Variants in GPC5 observed in about 807,000 individuals in gnomAD.
The protein encoded by GPC5 is glypican-5.
A neutral mutation model predicts 53.9 loss-of-function variants in GPC5; 47 were observed. That is an observed-to-expected ratio of 0.87 (90% CI 0.69 to 1.11). GPC5 has a LOEUF of 1.11. GPC5 is among the 50% of genes most tolerant of loss of function. The pLI is 0.00. For missense variants in GPC5, 748 were observed against 713.1 expected (o/e 1.05, Z -0.56); for synonymous variants, 286 against 263.3 (o/e 1.09, Z -0.84).
intron 5 of GPC5, among the ~76,000 whole-genome samples, chr13:91,830,887 A>G: frequency 7.4e-6 from 1 of 135,590 alleles, no homozygotes. Flanking sequence ...CCTATTATAT[A>G]TAATATATAT....
intron 7 of GPC5, among the ~76,000 whole-genome samples, chr13:92,300,626 C>T (rs2043069119): frequency 6.6e-6 from 1 of 152,128 alleles, no homozygotes; most frequent in African/African-American, 2.4e-5. Context: ...ATAGAATGTG[C>T]TGGACTAATT....
chr13:92,477,036 AAGTATAATAATAAAAAAT>A (rs1238870321), intron 7 of GPC5, among the ~76,000 whole-genome samples: 2 of 138,196 alleles, frequency 1.4e-5, no homozygotes, highest in Admixed American at 7.5e-5. Flanking sequence ...CTAAAACTTA[AAGTATAATAATAAAAAAT>A]AAATAAATAA....
intron 7 of GPC5, among the ~76,000 whole-genome samples, chr13:92,506,201 G>T (rs147603209): frequency 2.6e-5 from 4 of 152,038 alleles, no homozygotes; most frequent in Non-Finnish European, 4.4e-5. Context: ...AAGATGAGCT[G>T]CATGAAAATG....
At chr13:91,863,026 C>A (rs559381600) in intron 5 of GPC5, among the ~76,000 whole-genome samples, 1 of 149,988 alleles carries the variant, frequency 6.7e-6, no homozygotes, top group South Asian at 2.2e-4. Context: ...CTTCCCCCAC[C>A]CCTTCTTTCT....
chr13:92,025,586 T>C (rs1594730503), intron 6 of GPC5, among the ~76,000 whole-genome samples: 2 of 152,252 alleles, frequency 1.3e-5, no homozygotes, highest in Middle Eastern at 3.4e-3. Flanking sequence ...AACTATGAAA[T>C]GAAAGTAAGG....
At chr13:91,649,472 G>A (rs1057149439) in intron 2 of GPC5, among the ~76,000 whole-genome samples, 2 of 152,144 alleles carry the variant, frequency 1.3e-5, no homozygotes, top group Non-Finnish European at 2.9e-5. Flanking sequence ...CTGAGCCATT[G>A]TTATTACTAC....
At chr13:91,478,795 T>TTATATATATGTATATATATA (rs1431415864) in intron 2 of GPC5, among the ~76,000 whole-genome samples, 2 of 55,392 alleles carry the variant, frequency 3.6e-5, no homozygotes, top group African/African-American at 7.0e-5. Flanking sequence ...CCATTTGAGT[T>TTATATATATGTATATATATA]TATATATATA....
chr13:92,407,737 G>A (rs1354498479), intron 7 of GPC5, among the ~76,000 whole-genome samples: 4 of 152,018 alleles, frequency 2.6e-5, no homozygotes, highest in African/African-American at 9.6e-5. Context: ...AAGACTTGAG[G>A]AAAAATAGAA....
At chr13:91,569,361 G>T (rs1029837334) in intron 2 of GPC5, among the ~76,000 whole-genome samples, 6 of 152,070 alleles carry the variant, frequency 3.9e-5, no homozygotes, top group Non-Finnish European at 7.4e-5. Context: ...GTCATTGGCT[G>T]CAACAAGTCA....
chr13:91,583,672 A>G (rs2032454225), intron 2 of GPC5, among the ~76,000 whole-genome samples: 2 of 152,178 alleles, frequency 1.3e-5, no homozygotes, highest in Admixed American at 1.3e-4. Context: ...TGACAAGAAT[A>G]AGTAAAATAG....
chr13:91,939,990 A>G (rs955826253), intron 6 of GPC5, among the ~76,000 whole-genome samples: 1 of 152,070 alleles, frequency 6.6e-6, no homozygotes, highest in South Asian at 2.1e-4. Flanking sequence ...GGCCTCACAC[A>G]TCGGGTCTAT....
intron 1 of GPC5, among the ~76,000 whole-genome samples, chr13:91,399,771 TCGTA>T (rs1876788031): frequency 6.6e-6 from 1 of 152,086 alleles, no homozygotes; most frequent in African/African-American, 2.4e-5. Flanking sequence ...TTCTGTGCCC[TCGTA>T]TCAAGCCCTG....
chr13:92,250,650 T>G (rs9301789), intron 7 of GPC5, among the ~76,000 whole-genome samples: 3 of 151,848 alleles, frequency 2.0e-5, no homozygotes, highest in African/African-American at 4.8e-5. Flanking sequence ...ATTATTACTT[T>G]TGACACATGA....
At chr13:92,690,557 T>C (rs1887352001) in intron 7 of GPC5, among the ~76,000 whole-genome samples, 1 of 140,052 alleles carries the variant, frequency 7.1e-6, no homozygotes. Flanking sequence ...GAAGCCTTCT[T>C]CTCTCAGCTC....
intron 2 of GPC5, among the ~76,000 whole-genome samples, chr13:91,592,954 C>G (rs910893930): frequency 6.6e-6 from 1 of 152,114 alleles, no homozygotes; most frequent in African/African-American, 2.4e-5. Context: ...AGATGGGGAC[C>G]CTGGGCCAGG....
At chr13:91,665,504 T>C (rs2035087428) in intron 2 of GPC5, among the ~76,000 whole-genome samples, 1 of 114,006 alleles carries the variant, frequency 8.8e-6, no homozygotes, top group Non-Finnish European at 1.7e-5. Flanking sequence ...GAAAAGCCAG[T>C]CTTTTTTTTT....
intron 2 of GPC5, among the ~76,000 whole-genome samples, chr13:91,496,916 C>T: frequency 6.6e-6 from 1 of 152,102 alleles, no homozygotes; most frequent in Non-Finnish European, 1.5e-5. Context: ...TATGTACCCG[C>T]AACAGTTAAA....
chr13:92,443,089 G>T (rs1042168750), intron 7 of GPC5, among the ~76,000 whole-genome samples: 1 of 152,152 alleles, frequency 6.6e-6, no homozygotes, highest in African/African-American at 2.4e-5. Flanking sequence ...TTCTGGTGAG[G>T]CCTCAAGAAG....
rs9583969 is a variant in GPC5, at chr13:91,901,619, T to C, written c.1281-6318T>C. ...CAAAAACCAAATCTCTAGTCCTTGC[T>C]TTCACATTTGCTGTCAGAACCAGGA... On this transcript the variant is annotated intron_variant, in intron 5 of 7. Transcript: ENST00000377067. Among the ~76,000 whole-genome samples, 694 of 152,210 alleles carry C rather than the reference T, an allele frequency of 4.6e-3. 8 individuals carry two copies. Among genetic ancestry groups the C allele is most frequent in the African/African-American group, 0.016 (661 of 41,572 alleles).
Sources: gnomAD v4.1 joint callset for allele counts (sites outside exome capture counted in the v4.1 genomes callset) on GRCh38, gnomAD v4.1.1 for gene constraint, MANE v1.5 for transcripts, NCBI Gene and HGNC (gene_info 2026-07-23, HGNC 2026-07-21) for gene names.